The following SETDB2 variants were observed in gnomAD, a reference collection of about 807,000 sequenced individuals.
SETDB2 encodes histone-lysine N-methyltransferase SETDB2.
In SETDB2, 56 loss-of-function variants were observed where a neutral mutation model predicts 82.5. The observed-to-expected ratio is 0.68, with a 90% CI of 0.55 to 0.85. The LOEUF (loss-of-function observed/expected upper bound fraction) is 0.85, where lower values mean the gene tolerates loss of function less well. SETDB2 is among the 40% of genes least tolerant of loss of function. SETDB2 has a pLI of 0.00. For synonymous variants in SETDB2, 272 were observed against 284.9 expected, an observed-to-expected ratio of 0.95 and a Z score of 0.46; for missense variants, 677 against 816.4, an observed-to-expected ratio of 0.83 and a Z score of 2.08.
chr13:49,477,188 C>T, intron 6 of SETDB2, 149 bp downstream of exon 6: 1 of 707,848 alleles, frequency 1.4e-6, no homozygotes, highest in Non-Finnish European at 2.2e-6. Context: ...GTAATCCCAG[C>T]ACTTTTGGGA....
intron 11 of SETDB2, 143 bp downstream of exon 11, chr13:49,485,866 T>G (rs780603064): frequency 9.5e-6 from 8 of 838,764 alleles, no homozygotes; most frequent in Non-Finnish European, 1.5e-5. Flanking sequence ...ACATAAGAGA[T>G]CAGCAAAATA....
chr13:49,478,762 A>G (rs1373653317), intron 6 of SETDB2, among the ~76,000 whole-genome samples: 1 of 152,090 alleles, frequency 6.6e-6, no homozygotes, highest in African/African-American at 2.4e-5. Context: ...CCCCATCTCT[A>G]CAAAAATACA....
intron 6 of SETDB2, among the ~76,000 whole-genome samples, chr13:49,477,684 A>C (rs1958396996): frequency 1.3e-5 from 2 of 152,134 alleles, no homozygotes; most frequent in African/African-American, 4.8e-5. Flanking sequence ...CTTCACAAAA[A>C]CCCATGAGGT....
At chr13:49,464,917 T>A (rs1958071222) in intron 4 of SETDB2, among the ~76,000 whole-genome samples, 1 of 151,192 alleles carries the variant, frequency 6.6e-6, no homozygotes, top group Admixed American at 6.6e-5. Context: ...AAAAAAAAAA[T>A]TAGTTGGCTG....
intron 12 of SETDB2, among the ~76,000 whole-genome samples, chr13:49,489,553 A>G (rs1384279824): frequency 1.4e-5 from 2 of 145,638 alleles, no homozygotes; most frequent in Non-Finnish European, 3.0e-5. Flanking sequence ...TCCTGTTCCC[A>G]TGCCCCGACT....
intron 3 of SETDB2, 48 bp from the exon 4 acceptor site, chr13:49,461,049 G>T (rs767378337): frequency 2.2e-6 from 3 of 1,388,636 alleles, no homozygotes; most frequent in East Asian, 2.3e-5. Flanking sequence ...ACAGTAGCTG[G>T]CACCATAAAT....
rs570887023 is a variant in SETDB2 at position 49,494,497 on chromosome 13, C to T, written c.*2648C>T. The T allele has an allele frequency of 2.0e-5, 3 of 152,320 alleles. No individual in the cohort carries two copies. The highest frequency in any genetic ancestry group is 7.2e-5 in the African/African-American group (3 of 41,566). The allele number at this position is 152,320 out of a possible 1,614,324, so 9.4% of individuals were successfully genotyped here. A position where few individuals can be genotyped will look rare whatever the true frequency, so the allele number is the denominator to read the frequency against. On this transcript the variant is annotated 3_prime_UTR_variant, in exon 14 of 14. Coordinates refer to ENST00000611815, the MANE Select transcript of SETDB2 (RefSeq NM_001160308.3). The stretch of plus-strand genomic sequence containing the variant: ...GGAACACCAAAAAGCTTACTATAAG[C>T]TGAGAGTGTGGTAAAGGGCTCTTTG...
chr13:49,486,559 T>A (rs1327615271), intron 11 of SETDB2, among the ~76,000 whole-genome samples: 2 of 152,322 alleles, frequency 1.3e-5, no homozygotes, highest in African/African-American at 4.8e-5. Context: ...ACAGGTGTTG[T>A]CCGTGGCTTT....
intron 2 of SETDB2, 149 bp downstream of exon 2, chr13:49,452,058 C>T: frequency 2.1e-6 from 1 of 479,922 alleles, no homozygotes. Context: ...GTATAGCCAC[C>T]AATTTTGACT....
In SETDB2 at chr13:49,461,276, T is replaced by G. The variant is rs57787372; in HGVS notation, c.208+114T>G. On this transcript the variant is annotated intron_variant, in intron 4 of 13. Transcript: ENST00000611815. Reference sequence around the variant, plus strand: ...AGATAATTTAAAATAAAATCTAACATCCACATTTCTAAGTTACATAAATCA... The same window carrying G: ...AGATAATTTAAAATAAAATCTAACAGCCACATTTCTAAGTTACATAAATCA... 2.2e-3 allele frequency: 1,526 copies of G among 686,132 alleles called. 17 individuals are homozygous for G. The African/African-American group carries it at 0.024, about 11-fold the overall frequency. The allele number at this position is 686,132 out of a possible 1,614,324, so 42.5% of individuals were successfully genotyped here. A position where few individuals can be genotyped will look rare whatever the true frequency, so the allele number is the denominator to read the frequency against.
At chr13:49,480,029 T>C (rs918482177) in intron 6 of SETDB2, among the ~76,000 whole-genome samples, 190 bp from the exon 7 acceptor site, 3 of 152,324 alleles carry the variant, frequency 2.0e-5, no homozygotes, top group African/African-American at 7.2e-5. Context: ...TTTATAATTA[T>C]TTATAAACTT....
rs530908077 is a variant in SETDB2, at chr13:49,494,472, G to A, written c.*2623G>A. ...TGGTAGTCTACTCATATTTAAGTGT[G>A]GAACACCAAAAAGCTTACTATAAGC... On this transcript the variant is annotated 3_prime_UTR_variant, in exon 14 of 14. Transcript: ENST00000611815. 2.0e-5 allele frequency: 3 copies of A among 152,180 alleles called. No individual in the cohort carries two copies. The South Asian group carries it at 6.2e-4, about 32-fold the overall frequency. 9.4% of individuals were successfully genotyped at this position (152,180 alleles called of 1,614,324 possible).
chr13:49,479,982 G>A (rs1410337073), intron 6 of SETDB2, among the ~76,000 whole-genome samples: 1 of 152,198 alleles, frequency 6.6e-6, no homozygotes, highest in African/African-American at 2.4e-5. Flanking sequence ...AACTCATATA[G>A]TTAAGTATTT....
chr13:49,492,821 T>C lies in SETDB2; in HGVS notation c.*972T>C, dbSNP rs1324711540. On this transcript the variant is annotated 3_prime_UTR_variant, in exon 14 of 14. Transcript: ENST00000611815. ...AAAAAATACAAAAATTAGCCTGGCA[T>C]GATGGCATGTGCCCGTAGTCTCAGC... The C allele has an allele frequency of 6.6e-6, 1 of 152,170 alleles. No individual in the cohort carries two copies. Among genetic ancestry groups the C allele is most frequent in the Non-Finnish European group, 1.5e-5 (1 of 68,094 alleles). The allele number at this position is 152,170 out of a possible 1,614,324, so 9.4% of individuals were successfully genotyped here.
chr13:49,471,913 C>CATATATATATATATATATATATAT (rs1232849321), intron 5 of SETDB2, among the ~76,000 whole-genome samples: 2 of 107,752 alleles, frequency 1.9e-5, no homozygotes, highest in East Asian at 3.2e-4. Context: ...TCTCATGTGA[C>CATATATATATATATATATATATAT]ATATATATAT....
At chr13:49,463,467 C>A (rs978435686) in intron 4 of SETDB2, among the ~76,000 whole-genome samples, 4 of 152,194 alleles carry the variant, frequency 2.6e-5, no homozygotes, top group African/African-American at 9.7e-5. Context: ...GACTTTTATA[C>A]ACAAGGGGGT....
Position 49,488,275 on chromosome 13 carries a change from CA to C in SETDB2, c.1577-11del. On this transcript the variant is annotated splice_polypyrimidine_tract_variant and intron_variant, in intron 11 of 13. Coordinates refer to ENST00000611815, the MANE Select transcript of SETDB2 (RefSeq NM_001160308.3). ...AAGTATATTTCCTGATGTTTCCTTC[CA>C]AAATGTCTATTAGAGGACTCAAGTT... is the stretch of plus-strand genomic sequence containing the variant. The C allele has an allele frequency of 6.4e-7, 1 of 1,552,402 alleles. No homozygotes were observed. Among genetic ancestry groups the C allele is most frequent in the Non-Finnish European group, 8.6e-7 (1 of 1,156,280 alleles).
At chr13:49,479,271 G>A (rs901652201) in intron 6 of SETDB2, among the ~76,000 whole-genome samples, 4 of 152,030 alleles carry the variant, frequency 2.6e-5, no homozygotes, top group Admixed American at 2.0e-4. Flanking sequence ...ATATATACAG[G>A]GAAGAGAACT....
At chr13:49,459,289 G>A (rs763957050) in intron 2 of SETDB2, among the ~76,000 whole-genome samples, 13 of 152,172 alleles carry the variant, frequency 8.5e-5, no homozygotes, top group Non-Finnish European at 1.6e-4. Flanking sequence ...ATTTGTGTTA[G>A]GGAAAATGTA....
Sources: allele counts gnomAD v4.1 joint callset (sites outside exome capture counted in the v4.1 genomes callset), GRCh38; gene constraint gnomAD v4.1.1; transcripts MANE v1.5; gene names NCBI Gene and HGNC (gene_info 2026-07-23, HGNC 2026-07-21).